Variants in SERGEF observed in about 807,000 individuals in gnomAD.
The protein encoded by SERGEF is secretion-regulating guanine nucleotide exchange factor.
Under a neutral mutation model 50.0 loss-of-function variants are expected in SERGEF, and 51 were observed. The observed-to-expected ratio is 1.02, with a 90% CI of 0.81 to 1.29. The LOEUF is 1.29. Among genes scored for constraint, SERGEF ranks in the 50% most tolerant of loss-of-function variants. The pLI is 0.00. For missense variants in SERGEF, 521 were observed against 557.0 expected (o/e 0.94, Z 0.65); for synonymous variants, 205 against 212.4 (o/e 0.97, Z 0.30).
chr11:17,822,754 G>A (rs957061001), intron 10 of SERGEF, among the ~76,000 whole-genome samples: 1 of 152,082 alleles, frequency 6.6e-6, no homozygotes, highest in Non-Finnish European at 1.5e-5. Flanking sequence ...ATTTTACATC[G>A]AAGAACCGAG....
intron 9 of SERGEF, among the ~76,000 whole-genome samples, chr11:17,882,737 C>T (rs1851358200): frequency 6.6e-6 from 1 of 152,158 alleles, no homozygotes; most frequent in African/African-American, 2.4e-5. Flanking sequence ...GTATAAGCAG[C>T]AGTGTGGCCA....
chr11:17,977,580 CT>C (rs1853403463), intron 8 of SERGEF, among the ~76,000 whole-genome samples: 1 of 152,208 alleles, frequency 6.6e-6, no homozygotes, highest in Non-Finnish European at 1.5e-5. Context: ...GACAAAATAT[CT>C]GTTGCCCCCT....
In SERGEF at chr11:17,875,715, C is replaced by T. The variant is rs143418693; in HGVS notation, c.1048+2493G>A. ...CTAGGTTCTCAATCATGTCCTTTCA[C>T]CATTCTCTGTTTCACCTCCCTTTCC... is the stretch of plus-strand genomic sequence containing the variant. On this transcript the variant is annotated intron_variant, in intron 10 of 10. Transcript: ENST00000265965. Among the ~76,000 whole-genome samples the T allele has an allele frequency of 1.4e-3, 216 of 152,358 alleles. 2 individuals carry two copies. The Middle Eastern group carries it at 0.017, about 12-fold the overall frequency.
chr11:17,850,180 C>T (rs1273613750), intron 10 of SERGEF, among the ~76,000 whole-genome samples: 1 of 152,128 alleles, frequency 6.6e-6, no homozygotes, highest in Non-Finnish European at 1.5e-5. Context: ...GACATAAATC[C>T]ATTCATAAGG....
Position 18,008,064 on chromosome 11 carries a change from A to T in SERGEF, c.73T>A (p.Tyr25Asn), listed in dbSNP as rs745573662. 1 of 1,614,016 alleles carries T rather than the reference A, an allele frequency of 6.2e-7. No homozygotes were observed. Among genetic ancestry groups the T allele is most frequent in the Non-Finnish European group, 8.5e-7 (1 of 1,179,964 alleles). ...AALFAWGANSYGQLGLGHKED... is the reference protein window; with the variant it reads ...AALFAWGANSNGQLGLGHKED... Reference sequence around the variant, plus strand: ...TTATGGCCGAGGCCAAGTTGCCCATAGCTATTTGCACCCTAGGGATGAATA... The same window carrying T: ...TTATGGCCGAGGCCAAGTTGCCCATTGCTATTTGCACCCTAGGGATGAATA... Residue 25 changes from tyrosine to asparagine, a missense_variant, in exon 2 of 11, where the codon TAT becomes AAT. Physicochemically the swap from Tyr to Asn is moderately radical, Grantham distance 143. Transcript: ENST00000265965.
intron 10 of SERGEF, among the ~76,000 whole-genome samples, chr11:17,830,645 G>GGGGAGAGAGAGA (rs1565179387): frequency 5.2e-5 from 1 of 19,390 alleles, no homozygotes; most frequent in African/African-American, 2.8e-4. Context: ...GGAGGGAGAG[G>GGGGAGAGAGAGA]GAGGGAGAGA....
At chr11:17,817,597 C>A (rs986303296) in intron 10 of SERGEF, among the ~76,000 whole-genome samples, 1 of 152,114 alleles carries the variant, frequency 6.6e-6, no homozygotes, top group Non-Finnish European at 1.5e-5. Context: ...ACAAGAATGC[C>A]AAGACACACA....
intron 10 of SERGEF, among the ~76,000 whole-genome samples, chr11:17,870,038 T>C (rs1022632965): frequency 3.7e-4 from 57 of 152,244 alleles, no homozygotes; most frequent in African/African-American, 1.1e-3. Flanking sequence ...CCCATGCTGT[T>C]CTTGTGATAG....
intron 10 of SERGEF, chr11:17,856,691 T>C (rs998933899): frequency 6.6e-6 from 1 of 152,218 alleles, no homozygotes; most frequent in African/African-American, 2.4e-5. Flanking sequence ...CCTACCTTAC[T>C]GTTGATGTAA....
At chr11:18,005,841 GA>G (rs1049700732) in intron 3 of SERGEF, among the ~76,000 whole-genome samples, 13 of 149,218 alleles carry the variant, frequency 8.7e-5, no homozygotes, top group African/African-American at 2.7e-4. Flanking sequence ...AACACATTTA[GA>G]AAAAAAAAAA....
chr11:17,823,983 C>G (rs978920715), intron 10 of SERGEF, among the ~76,000 whole-genome samples: 2 of 152,170 alleles, frequency 1.3e-5, no homozygotes, highest in African/African-American at 4.8e-5. Flanking sequence ...TTGCTTGGTA[C>G]CACTTCAGGG....
At chr11:17,960,070 T>G (rs1852966419) in intron 8 of SERGEF, among the ~76,000 whole-genome samples, 1 of 152,126 alleles carries the variant, frequency 6.6e-6, no homozygotes, top group Non-Finnish European at 1.5e-5. Flanking sequence ...CACCTTGAAG[T>G]TCTCCACTCC....
At chr11:17,936,435 A>G (rs1039726870) in intron 9 of SERGEF, among the ~76,000 whole-genome samples, 7 of 152,238 alleles carry the variant, frequency 4.6e-5, no homozygotes, top group African/African-American at 1.2e-4. Context: ...TCATATCAGC[A>G]TTACGATTTG....
intron 8 of SERGEF, among the ~76,000 whole-genome samples, chr11:17,960,902 A>G (rs1219303234): frequency 6.6e-6 from 1 of 152,210 alleles, no homozygotes; most frequent in Non-Finnish European, 1.5e-5. Context: ...AGCTGGGAGT[A>G]GGTCCATTCA....
chr11:17,961,264 C>T (rs1759999325), intron 8 of SERGEF, among the ~76,000 whole-genome samples: 1 of 152,192 alleles, frequency 6.6e-6, no homozygotes, highest in South Asian at 2.1e-4. Context: ...TCACTCAACA[C>T]TCTTCCTTCA....
intron 9 of SERGEF, among the ~76,000 whole-genome samples, chr11:17,939,244 G>T (rs1056385145): frequency 1.3e-5 from 2 of 152,094 alleles, no homozygotes; most frequent in African/African-American, 4.8e-5. Flanking sequence ...AAAGACATAA[G>T]AATAGAAAAG....
chr11:17,868,084 T>C (rs1271728801), intron 10 of SERGEF, among the ~76,000 whole-genome samples: 2 of 152,246 alleles, frequency 1.3e-5, no homozygotes, highest in Non-Finnish European at 2.9e-5. Context: ...ATTTGGCTCC[T>C]TGTTACTTAT....
chr11:17,880,987 CATT>C (rs1447398437), intron 9 of SERGEF, among the ~76,000 whole-genome samples: 2 of 152,156 alleles, frequency 1.3e-5, no homozygotes, highest in African/African-American at 4.8e-5. Context: ...ACTTTATAAA[CATT>C]ATCACATTTT....
At chr11:17,789,698 G>A (rs541390251) in intron 10 of SERGEF, among the ~76,000 whole-genome samples, 1 of 152,296 alleles carries the variant, frequency 6.6e-6, no homozygotes, top group East Asian at 1.9e-4. Context: ...GCCACTACTA[G>A]GAATATTTTG....
Sources: allele counts gnomAD v4.1 joint callset (sites outside exome capture counted in the v4.1 genomes callset), GRCh38; gene constraint gnomAD v4.1.1; transcripts MANE v1.5; gene names NCBI Gene and HGNC (gene_info 2026-07-23, HGNC 2026-07-21).